Variants in COL4A4 observed in about 807,000 individuals in gnomAD.
The protein encoded by COL4A4 is collagen alpha-4(IV) chain.
Under a neutral mutation model 192.9 loss-of-function variants are expected in COL4A4, and 105 were observed. The ratio of observed to expected loss-of-function variants is 0.54; its 90% confidence interval spans 0.46 to 0.64. COL4A4 has a LOEUF of 0.64. Among genes scored for constraint, COL4A4 ranks in the 30% least tolerant of loss-of-function variants. The probability of loss-of-function intolerance (pLI) is 0.00; values close to 1 mark genes in which losing one functional copy is unlikely to be tolerated. For missense variants in COL4A4, 1,967 were observed against 2,169.3 expected, an observed-to-expected ratio of 0.91 and a Z score of 1.85; for synonymous variants, 762 against 769.9, an observed-to-expected ratio of 0.99 and a Z score of 0.17.
At chr2:227,041,779 GAAGGAAGGGAAAGAAAGAAAGAAAGGAA>G (rs1971039304) in intron 37 of COL4A4, among the ~76,000 whole-genome samples, 47 of 62,566 alleles carry the variant, frequency 7.5e-4, no homozygotes, top group Middle Eastern at 7.7e-3. Flanking sequence ...AGGAAGGAAG[GAAGGAAGGGAAAGAAAGAAAGAAAGGAA>G]GAAAGAAAGA....
intron 31 of COL4A4, 27 bp downstream of exon 31, chr2:227,054,567 C>CA: frequency 6.2e-7 from 1 of 1,613,540 alleles, no homozygotes; most frequent in South Asian, 1.1e-5. Context: ...GAAACAAATG[C>CA]ATGTTGCATG....
chr2:227,080,502 G>T lies in COL4A4; in HGVS notation c.1744C>A (p.Gln582Lys). Residue 582 changes from glutamine (Q) to lysine (K), a missense_variant, in exon 24 of 48, where the codon CAG (glutamine) becomes AAG (lysine). Gln to Lys is a moderately conservative substitution (Grantham distance 53). Coordinates refer to ENST00000396625, the MANE Select transcript of COL4A4 (RefSeq NM_000092.5). ...CCATCCCGACCATGTGATCCTGGCT[G>T]CCCTGGAAATCCTGGGGGCCCATCA... Reference protein sequence around the residue: ...GPDGPPGFPGQPGSHGRDGHA... With the variant: ...GPDGPPGFPGKPGSHGRDGHA... 1 of 1,614,108 alleles carries T rather than the reference G, an allele frequency of 6.2e-7. No homozygotes were observed. The highest frequency in any genetic ancestry group is 8.5e-7 in the Non-Finnish European group (1 of 1,180,020).
At chr2:227,164,474 A>G, upstream of COL4A4, 1 of 566,162 alleles carries the variant, frequency 1.8e-6, no homozygotes, top group Non-Finnish European at 3.1e-6. This position sits in a 1 kb window ranked among gnomAD's most constrained non-coding sequence, Gnocchi z 4.8. Context: ...TAGAAGGGAC[A>G]CTGCCTGGTA....
the COL4A4 span, among the ~76,000 whole-genome samples, chr2:226,984,582 C>G: frequency 4.5e-4 from 68 of 152,306 alleles, 1 homozygote; most frequent in Middle Eastern, 6.8e-3. Flanking sequence ...AATATTGAGT[C>G]CATGACAGCC....
intron 20 of COL4A4, among the ~76,000 whole-genome samples, chr2:227,090,777 AAAAT>A (rs752109683): frequency 1.3e-5 from 2 of 151,122 alleles, no homozygotes; most frequent in African/African-American, 2.4e-5. Context: ...GTAAATAAAT[AAAAT>A]AAATAAATAA....
chr2:227,144,612 CAAAAAG>C, intron 2 of COL4A4, 54 bp from the exon 3 acceptor site: 5 of 1,406,176 alleles, frequency 3.6e-6, no homozygotes, highest in Non-Finnish European at 3.0e-6. Flanking sequence ...TCATGTGAAA[CAAAAAG>C]AAAAAGAGTA....
At chr2:227,084,998 GTACATGCCTGTAGTCTCAGC>G (rs1344553727) in intron 22 of COL4A4, among the ~76,000 whole-genome samples, 1 of 151,640 alleles carries the variant, frequency 6.6e-6, no homozygotes. Context: ...GGGTGTGGTG[GTACATGCCTGTAGTCTCAGC>G]TACTCGAGAG....
chr2:227,020,572 T>C (rs1007648309), intron 44 of COL4A4, among the ~76,000 whole-genome samples: 3 of 152,170 alleles, frequency 2.0e-5, no homozygotes, highest in African/African-American at 7.2e-5. Flanking sequence ...CTTCTTGGTT[T>C]TGGGGAACCA....
Position 227,057,463 on chromosome 2 carries a change from G to A in COL4A4, c.2521C>T (p.Leu841Phe). The A allele has an allele frequency of 2.5e-6, 4 of 1,609,736 alleles. No individual in the cohort carries two copies. The highest frequency in any genetic ancestry group is 1.7e-4 in the Middle Eastern group (1 of 6,042). Residue 841 changes from leucine (L) to phenylalanine (F), a missense_variant, in exon 29 of 48, where the codon CTC becomes TTC. By Grantham distance (22) the Leu-to-Phe change is conservative. Transcript: ENST00000396625. ...CCTGGGCTACCTGGATACCCAGGGA[G>A]TCCCGGTTGCCCTGGTATCCCTGGA... ...GAPGIPGQPG[L>F]PGYPGSPGAP... is the part of the protein sequence containing the mutation.
In COL4A4 at chr2:227,006,863, T is replaced by A. The variant is rs532182792; in HGVS notation, c.*462A>T. 6.1e-6 allele frequency: 1 copy of A among 164,168 alleles called. No homozygotes were observed. Among genetic ancestry groups the A allele is most frequent in the Admixed American group, 5.7e-5 (1 of 17,698 alleles). 10.2% of individuals were successfully genotyped at this position (164,168 alleles called of 1,614,324 possible). A position where few individuals can be genotyped will look rare whatever the true frequency, so the allele number is the denominator to read the frequency against. On this transcript the variant is annotated 3_prime_UTR_variant, in exon 48 of 48. Coordinates refer to ENST00000396625, the MANE Select transcript of COL4A4 (RefSeq NM_000092.5). ...TTACAGAGGAAATCATTTTGAAATG[T>A]TGAAAATCTCTGCTTTCTAGTTTCA...
At chr2:227,085,185 A>G (rs964691075) in intron 22 of COL4A4, among the ~76,000 whole-genome samples, 2 of 152,036 alleles carry the variant, frequency 1.3e-5, no homozygotes, top group Admixed American at 1.3e-4. Flanking sequence ...TCTGCCAGGC[A>G]TATCCTAGTT....
chr2:227,022,594 G>A, intron 43 of COL4A4: 2 of 533,690 alleles, frequency 3.7e-6, no homozygotes, highest in Admixed American at 1.9e-5. Context: ...ATGTGTCCCT[G>A]AGTCCTTACT....
At chr2:226,969,639 G>A in the COL4A4 span, among the ~76,000 whole-genome samples, 8 of 152,158 alleles carry the variant, frequency 5.3e-5, no homozygotes, top group East Asian at 1.2e-3. Flanking sequence ...TTCCTTTTCA[G>A]AACTGTGTCC....
At chr2:226,971,624 T>C in the COL4A4 span, among the ~76,000 whole-genome samples, 1 of 152,238 alleles carries the variant, frequency 6.6e-6, no homozygotes, top group East Asian at 1.9e-4. Flanking sequence ...TTTTTTTGCC[T>C]TGCAAATATG....
chr2:226,968,038 A>G, the COL4A4 span, among the ~76,000 whole-genome samples: 2 of 152,148 alleles, frequency 1.3e-5, no homozygotes, highest in Non-Finnish European at 2.9e-5. Context: ...AGGAGGGTGA[A>G]ACACCCTCTG....
chr2:227,032,301 ACT>A (rs1968601808), intron 38 of COL4A4, 25 bp from the exon 39 acceptor site: 6 of 1,602,396 alleles, frequency 3.7e-6, no homozygotes, highest in East Asian at 4.5e-5. Context: ...CAGAATTAAT[ACT>A]ATATCTTCTC....
At chr2:227,162,739 T>C (rs758769965) in intron 1 of COL4A4, among the ~76,000 whole-genome samples, 2 of 152,206 alleles carry the variant, frequency 1.3e-5, no homozygotes, top group Non-Finnish European at 1.5e-5. Flanking sequence ...CATGGGAATG[T>C]ACAGGAAATT....
chr2:227,130,974 C>T (rs1346928623), intron 4 of COL4A4, among the ~76,000 whole-genome samples: 2 of 152,140 alleles, frequency 1.3e-5, no homozygotes, highest in Admixed American at 6.5e-5. Context: ...GACTTCCCAC[C>T]TGCATGACTG....
chr2:226,980,733 C>A, the COL4A4 span, among the ~76,000 whole-genome samples: 1 of 152,156 alleles, frequency 6.6e-6, no homozygotes, highest in Non-Finnish European at 1.5e-5. Flanking sequence ...GCAACATATT[C>A]CTCTTCCCTT....
Sources: allele counts gnomAD v4.1 joint callset (sites outside exome capture counted in the v4.1 genomes callset), GRCh38; gene constraint gnomAD v4.1.1; non-coding constraint Gnocchi (gnomAD v3.1); transcripts MANE v1.5; gene names NCBI Gene and HGNC (gene_info 2026-07-23, HGNC 2026-07-21).